RREB1: variants seen among roughly 807,000 people sequenced by gnomAD.
RREB1 encodes ras responsive element binding protein 1.
RREB1 carries 27 observed loss-of-function variants against 117.8 expected under a neutral mutation model. The ratio of observed to expected loss-of-function variants is 0.23; its 90% CI spans 0.17 to 0.32. The LOEUF (loss-of-function observed/expected upper bound fraction) is 0.32. Among genes scored for constraint, RREB1 ranks in the 10% least tolerant of loss-of-function variants. The pLI is 1.00. For missense variants in RREB1, 2,577 were observed against 2,378.2 expected (o/e 1.08, Z -1.74); for synonymous variants, 1,298 against 1,026.7 (o/e 1.26, Z -5.05).
intron 1 of RREB1, among the ~76,000 whole-genome samples, chr6:7,127,669 G>T (rs1761996378): frequency 6.6e-6 from 1 of 152,232 alleles, no homozygotes; most frequent in Non-Finnish European, 1.5e-5. Flanking sequence ...TGCAGGGTGG[G>T]ATAGGTGTGA....
intron 4 of RREB1, among the ~76,000 whole-genome samples, chr6:7,185,568 TA>T (rs879728450): frequency 4.0e-4 from 58 of 146,072 alleles, no homozygotes; most frequent in Admixed American, 5.5e-4. Flanking sequence ...AGACTCCATT[TA>T]AAAAAAAAAA....
chr6:7,139,506 AATAG>A (rs1762473754), intron 1 of RREB1, among the ~76,000 whole-genome samples: 3 of 152,226 alleles, frequency 2.0e-5, no homozygotes, highest in African/African-American at 4.8e-5. Context: ...AGGGGAGAAA[AATAG>A]ATAACTGTTG....
chr6:7,240,436 A>G lies in RREB1; in HGVS notation c.3809-2A>G. 1 of 1,604,208 alleles carries G rather than the reference A, an allele frequency of 6.2e-7. No individual in the cohort carries two copies. Among genetic ancestry groups the G allele is most frequent in the Non-Finnish European group, 8.5e-7 (1 of 1,175,858 alleles). ...AAATATATATTTTTTTTCCTGCTTC[A>G]GGTCAGAAACCCTTCCCTTGTCAAA... On this transcript the variant is annotated splice_acceptor_variant, in intron 10 of 12. Transcript: ENST00000379938. LOFTEE classifies it high-confidence loss of function.
chr6:7,175,432 G>A (rs562107236), intron 1 of RREB1, among the ~76,000 whole-genome samples: 5 of 152,260 alleles, frequency 3.3e-5, no homozygotes, highest in African/African-American at 7.2e-5. Context: ...CACAGGGTCC[G>A]TCCCTGTGGG....
At chr6:7,248,464 T>C in intron 12 of RREB1, 47 bp from the exon 13 acceptor site, 1 of 1,526,836 alleles carries the variant, frequency 6.5e-7, no homozygotes, top group Non-Finnish European at 9.0e-7. Flanking sequence ...GTGCAGTGGG[T>C]ACTGGTGCCT....
At position 7,231,586 on chromosome 6, in the gene RREB1, C is replaced by A. The variant is rs759581848; in HGVS notation, c.3487C>A (p.Pro1163Thr). The change falls in exon 10 of 13, where the codon CCC becomes ACC. Residue 1163 changes from proline to threonine, a missense_variant. By Grantham distance (38) the Pro-to-Thr change is conservative. Transcript: ENST00000379938. Reference protein sequence around the residue: ...RGRKRGMRSRPRANSGGVDLD... With the variant: ...RGRKRGMRSRTRANSGGVDLD... ...CCGGAAAAGGGGGATGAGGAGCCGACCCCGCGCCAACAGCGGCGGGGTGGA... is the reference window on the plus strand; with the variant it reads ...CCGGAAAAGGGGGATGAGGAGCCGAACCCGCGCCAACAGCGGCGGGGTGGA... The A allele has an allele frequency of 6.2e-7, 1 of 1,611,500 alleles. No individual in the cohort carries two copies. The highest frequency in any genetic ancestry group is 8.5e-7 in the Non-Finnish European group (1 of 1,179,220).
chr6:7,218,936 A>G (rs982212736), intron 8 of RREB1: 7 of 151,786 alleles, frequency 4.6e-5, no homozygotes, highest in Admixed American at 3.3e-4. Context: ...TAGCACAGAC[A>G]GCCATTAATT....
At chr6:7,136,272 C>A (rs141578436) in intron 1 of RREB1, among the ~76,000 whole-genome samples, 2 of 152,074 alleles carry the variant, frequency 1.3e-5, no homozygotes, top group South Asian at 4.2e-4. Context: ...CAGTAATGCC[C>A]GTATTTTAAA....
Position 7,162,819 on chromosome 6 carries a change from C to CTTTAT in RREB1, c.-284-13817_-284-13813dup, listed in dbSNP as rs543316226. ...GCAGGAAACTGAGTAGACTGCTCCC[C>CTTTAT]TTTATTTTATTTTATTTTATTTTTA... On this transcript the variant is annotated intron_variant, in intron 1 of 12. Coordinates refer to ENST00000379938, the MANE Select transcript of RREB1 (RefSeq NM_001003699.4). 2.8e-4 allele frequency among the ~76,000 whole-genome samples: 43 copies of CTTTAT among 152,066 alleles called. No individual in the cohort carries two copies. In the South Asian group the frequency reaches 7.1e-3, roughly 25 times the overall value.
chr6:7,124,440 C>T (rs1761821113), intron 1 of RREB1, among the ~76,000 whole-genome samples: 1 of 152,140 alleles, frequency 6.6e-6, no homozygotes, highest in African/African-American at 2.4e-5. Context: ...TGGTAGCTAC[C>T]AGAAGTCTCA....
intron 1 of RREB1, among the ~76,000 whole-genome samples, chr6:7,130,999 C>T (rs564901253): frequency 1.8e-4 from 24 of 133,478 alleles, no homozygotes; most frequent in Non-Finnish European, 3.5e-4. Context: ...AGGTCAGTGG[C>T]GCGATCTCGG....
intron 11 of RREB1, among the ~76,000 whole-genome samples, chr6:7,243,661 AG>A (rs1481148756): frequency 3.9e-5 from 6 of 152,186 alleles, no homozygotes; most frequent in Non-Finnish European, 2.9e-5. Flanking sequence ...CACTCCCCCT[AG>A]TGGGAGTTTG....
At chr6:7,112,060 G>C (rs1487704700) in intron 1 of RREB1, among the ~76,000 whole-genome samples, 1 of 152,146 alleles carries the variant, frequency 6.6e-6, no homozygotes, top group Admixed American at 6.5e-5. Flanking sequence ...ATTAGGTTTT[G>C]ATAGGGCTTC....
At chr6:7,231,966 G>T (rs73376334) in intron 10 of RREB1, 59 bp downstream of exon 10, 20 of 1,494,812 alleles carry the variant, frequency 1.3e-5, no homozygotes, top group Non-Finnish European at 1.8e-5. Context: ...GGGGAGCCAC[G>T]AGTGGGGGTC....
chr6:7,160,949 G>A (rs1045615151), intron 1 of RREB1, among the ~76,000 whole-genome samples: 1 of 152,180 alleles, frequency 6.6e-6, no homozygotes, highest in African/African-American at 2.4e-5. Context: ...CTTCCAAAGT[G>A]CTGGGATTAC....
rs140206154 is a variant in RREB1, at chr6:7,229,042, C to T, written c.943C>T (p.Arg315Cys). 880 of 1,554,420 alleles carry T rather than the reference C, an allele frequency of 5.7e-4. 1 individual carries two copies. The highest frequency in any genetic ancestry group is 6.7e-4 in the Non-Finnish European group (765 of 1,145,254). The change falls in exon 10 of 13, where the codon CGT becomes TGT. Residue 315 changes from arginine (R) to cysteine (C), a missense_variant. By Grantham distance (180) the Arg-to-Cys change is radical. Transcript: ENST00000379938. The surrounding 1 kb of genome is among the most constrained non-coding windows in gnomAD (Gnocchi z 4.5). ...GCGGAGGTGCATCAGCGAGCAACAC[C>T]GTTTTGTCTGCGACACCTGTGACAA... is the stretch of plus-strand genomic sequence containing the variant. ...NLRRCISEQH[R>C]FVCDTCDKAF...
Position 7,251,845 on chromosome 6 carries a change from A to G in RREB1, c.*2877A>G, listed in dbSNP as rs1025204394. ...AAACTGGTTTATGCCACATGAACAGAGAATCACAAGTTTGGTTTTGGTACT... is the reference window on the plus strand; with the variant it reads ...AAACTGGTTTATGCCACATGAACAGGGAATCACAAGTTTGGTTTTGGTACT... On this transcript the variant is annotated 3_prime_UTR_variant, in exon 13 of 13. Transcript: ENST00000379938. The G allele has an allele frequency of 6.6e-6, 1 of 152,268 alleles. No individual in the cohort carries two copies. Among genetic ancestry groups the G allele is most frequent in the Non-Finnish European group, 1.5e-5 (1 of 68,044 alleles). 9.4% of individuals were successfully genotyped at this position (152,268 alleles called of 1,614,324 possible).
At position 7,229,280 on chromosome 6, in the gene RREB1, A is replaced by G; in HGVS notation, c.1181A>G (p.Gln394Arg). The change falls in exon 10 of 13, where the codon CAG becomes CGG. Residue 394 changes from glutamine to arginine, a missense_variant. Gln to Arg is a conservative substitution (Grantham distance 43, BLOSUM62 1). Coordinates refer to ENST00000379938, the MANE Select transcript of RREB1 (RefSeq NM_001003699.4). The surrounding 1 kb of genome is among the most constrained non-coding windows in gnomAD (Gnocchi z 4.5). ...LPDDNQAIQL[Q>R]TLKCQLPQDP... ...GATGACAACCAGGCAATTCAGCTCC[A>G]GACACTCAAGTGTCAGCTACCTCAG... 6.2e-7 allele frequency: 1 copy of G among 1,614,096 alleles called. No homozygotes were observed. The highest frequency in any genetic ancestry group is 8.5e-7 in the Non-Finnish European group (1 of 1,180,006).
intron 10 of RREB1, among the ~76,000 whole-genome samples, chr6:7,235,824 G>T (rs557264747): frequency 6.6e-6 from 1 of 152,226 alleles, no homozygotes; most frequent in Non-Finnish European, 1.5e-5. Flanking sequence ...AGCAGATCCG[G>T]TGTTCAGTGT....
Sources: allele counts gnomAD v4.1 joint callset (sites outside exome capture counted in the v4.1 genomes callset), GRCh38; gene constraint gnomAD v4.1.1; non-coding constraint Gnocchi (gnomAD v3.1); transcripts MANE v1.5; gene names NCBI Gene and HGNC (gene_info 2026-07-23, HGNC 2026-07-21).